The following PRSS36 variants were observed in gnomAD, a reference collection of about 807,000 sequenced individuals.
The protein encoded by PRSS36 is serine protease 36, also known as polyserase-2.
A neutral mutation model predicts 94.3 loss-of-function variants in PRSS36; 90 were observed. The observed-to-expected ratio is 0.95, with a 90% CI of 0.80 to 1.14. The LOEUF (loss-of-function observed/expected upper bound fraction) is 1.14. Ranked by LOEUF, PRSS36 falls within the 50% of genes most tolerant of loss-of-function variation. PRSS36 has a pLI of 0.00. For missense variants in PRSS36, 1,158 were observed against 1,135.0 expected (o/e 1.02, Z -0.29); for synonymous variants, 500 against 489.6 (o/e 1.02, Z -0.28).
rs1381745333 is a variant in PRSS36, at chr16:31,142,564, C to T, written c.1438G>A (p.Gly480Arg). ...TCTCCGGGCAGCGGTACTGCCGCCCCCTGGCGGCCGTACAGGCAGTGGCAC... is the reference window on the plus strand; with the variant it reads ...TCTCCGGGCAGCGGTACTGCCGCCCTCTGGCGGCCGTACAGGCAGTGGCAC... ...WWCHCLYGRQ[G>R]AAVPLPGDPP... The change falls in exon 10 of 15, where the codon GGG becomes AGG. Residue 480 changes from glycine to arginine, a missense_variant. Physicochemically the swap from Gly to Arg is moderately radical, Grantham distance 125. Coordinates refer to ENST00000268281, the MANE Select transcript of PRSS36 (RefSeq NM_173502.5). 1 of 1,526,380 alleles carries T rather than the reference C, an allele frequency of 6.6e-7. No homozygotes were observed. Among genetic ancestry groups the T allele is most frequent in the Non-Finnish European group, 8.8e-7 (1 of 1,140,972 alleles). 94.6% of individuals were successfully genotyped at this position (1,526,380 alleles called of 1,614,324 possible). A position where few individuals can be genotyped will look rare whatever the true frequency, so the allele number is the denominator to read the frequency against.
rs1273635562 is a variant in PRSS36 at position 31,140,640 on chromosome 16, G to A, written c.2019C>T (p.His673=). 5 of 1,613,452 alleles carry A rather than the reference G, an allele frequency of 3.1e-6. No homozygotes were observed. Among genetic ancestry groups the A allele is most frequent in the Non-Finnish European group, 4.2e-6 (5 of 1,179,796 alleles). The change falls in exon 13 of 15, where the codon CAC becomes CAT. Residue 673 remains histidine (H), a synonymous_variant. Transcript: ENST00000268281. ...GGGCCAGGGGGGGCCTGAGTCCCAG[G>A]TGCTGGGGCAGCCGGATGCTGATGA... ...RLVISIRLPQ[H]LGLRPPLALL...
At chr16:31,139,879 C>CAAAA (rs71151448) in intron 14 of PRSS36, among the ~76,000 whole-genome samples, 10 of 42,502 alleles carry the variant, frequency 2.4e-4, no homozygotes, top group Non-Finnish European at 3.5e-4. Flanking sequence ...GACTCAGTCT[C>CAAAA]AAAAAAAAAA....
At chr16:31,145,372 CAAA>C (rs376926791) in intron 6 of PRSS36, among the ~76,000 whole-genome samples, 1 of 44,652 alleles carries the variant, frequency 2.2e-5, no homozygotes, top group Non-Finnish European at 4.3e-5. Flanking sequence ...GACTCCGTCT[CAAA>C]AAAAAAAAAA....
Position 31,140,337 on chromosome 16 carries a change from G to A in PRSS36, c.2246C>T (p.Thr749Ile), listed in dbSNP as rs1443760482. 7.4e-6 allele frequency: 12 copies of A among 1,613,918 alleles called. No homozygotes were observed. The African/African-American group carries it at 1.2e-4, about 16-fold the overall frequency. The part of the protein sequence containing the change: ...CLYQGILPPG[T>I]LCVLYAEGQE... ...CCCCTCTGCATACAGGACACAGAGG[G>A]TTCCAGGGGGCAGGATGCCCTGATA... The change falls in exon 14 of 15, where the codon ACC becomes ATC. Residue 749 changes from threonine to isoleucine, a missense_variant. By Grantham distance (89) the Thr-to-Ile change is moderately conservative (BLOSUM62 -1). Coordinates refer to ENST00000268281, the MANE Select transcript of PRSS36 (RefSeq NM_173502.5).
Position 31,140,659 on chromosome 16 carries a change from C to T in PRSS36, c.2000G>A (p.Ser667Asn), listed in dbSNP as rs775039290. 4 of 1,613,904 alleles carry T rather than the reference C, an allele frequency of 2.5e-6. No individual in the cohort carries two copies. In the East Asian group the frequency reaches 8.9e-5, roughly 36 times the overall value. Residue 667 changes from serine (S) to asparagine (N), a missense_variant, in exon 13 of 15, where the codon AGC (serine) becomes AAC (asparagine). Transcript: ENST00000268281. ...TCCCAGGTGCTGGGGCAGCCGGATGCTGATGACCAAGCGGGATACCTGGTG... is the reference window on the plus strand; with the variant it reads ...TCCCAGGTGCTGGGGCAGCCGGATGTTGATGACCAAGCGGGATACCTGGTG... The part of the protein sequence containing the change: ...QGHQVSRLVI[S>N]IRLPQHLGLR...
chr16:31,149,604 C>T (rs1457397447), intron 2 of PRSS36, 92 bp downstream of exon 2: 2 of 1,607,910 alleles, frequency 1.2e-6, no homozygotes, highest in African/African-American at 1.3e-5. Context: ...TCCCACTTCC[C>T]TGTCCGTTCA....
chr16:31,139,155 G>A lies in PRSS36; in HGVS notation c.2551C>T (p.Leu851Phe). 11 of 1,572,642 alleles carry A rather than the reference G, an allele frequency of 7.0e-6. No homozygotes were observed. The highest frequency in any genetic ancestry group is 9.5e-6 in the Non-Finnish European group (11 of 1,156,536). Residue 851 changes from leucine to phenylalanine, a missense_variant, in exon 15 of 15, where the codon CTC becomes TTC. By Grantham distance (22) the Leu-to-Phe change is conservative (BLOSUM62 0). Transcript: ENST00000268281. ...CTAGCCCCTCAGCTCTGGATCAGGA[G>A]AGTCAGCAGGAGCAGGAAGTAGACT... Reference protein sequence around the residue: ...HAVYFLLLLTLLIQS With the variant: ...HAVYFLLLLTFLIQS
intron 14 of PRSS36, among the ~76,000 whole-genome samples, chr16:31,139,916 C>T (rs1305796909): frequency 3.5e-5 from 5 of 143,942 alleles, no homozygotes; most frequent in South Asian, 4.5e-4. Context: ...ATTCCTTGGC[C>T]GGGCGCAGTG....
intron 14 of PRSS36, 120 bp from the exon 15 acceptor site, chr16:31,139,536 G>T: frequency 8.1e-7 from 1 of 1,238,758 alleles, no homozygotes; most frequent in Non-Finnish European, 1.1e-6. Context: ...CAGGTCCCTG[G>T]TTTCTCTCCC....
chr16:31,139,346 T>A lies in PRSS36; in HGVS notation c.2360A>T (p.Gln787Leu). Residue 787 changes from glutamine (Q) to leucine (L), a missense_variant, in exon 15 of 15, where the codon CAA becomes CTA. Coordinates refer to ENST00000268281, the MANE Select transcript of PRSS36 (RefSeq NM_173502.5). ...GGCAGCAAACAGCTCCCGGCTCCCT[T>A]GAACAGCCATGCCCACGAGGATCCA... ...GSWILVGMAV[Q>L]GSRELFAAIG... 6.2e-7 allele frequency: 1 copy of A among 1,614,086 alleles called. No individual in the cohort carries two copies. Among genetic ancestry groups the A allele is most frequent in the African/African-American group, 1.3e-5 (1 of 75,004 alleles).
Position 31,140,557 on chromosome 16 carries a change from TGGAGACAG to T in PRSS36, c.2094_2101del (p.Cys699ProfsTer37). 8 of 1,590,158 alleles carry T rather than the reference TGGAGACAG, an allele frequency of 5.0e-6. No homozygotes were observed. The highest frequency in any genetic ancestry group is 6.8e-6 in the Non-Finnish European group (8 of 1,168,086). Reference sequence around the variant, plus strand: ...GGCCCCCGGGGGGATACCCGCCGGGTGGAGACAGATGGGCAGGGCTGATGGGGAGGGCT... The same window carrying T: ...GGCCCCCGGGGGGATACCCGCCGGGTATGGGCAGGGCTGATGGGGAGGGCT... On this transcript the variant is annotated frameshift_variant, in exon 13 of 15. Coordinates refer to ENST00000268281, the MANE Select transcript of PRSS36 (RefSeq NM_173502.5). LOFTEE classifies it high-confidence loss of function.
At chr16:31,146,202 A>G (rs978538472) in intron 5 of PRSS36, among the ~76,000 whole-genome samples, 9 of 152,250 alleles carry the variant, frequency 5.9e-5, no homozygotes, top group Admixed American at 2.6e-4. Flanking sequence ...GTGCACTGCA[A>G]CAAAGGATGC....
intron 6 of PRSS36, among the ~76,000 whole-genome samples, chr16:31,145,069 A>G (rs1000923687): frequency 1.4e-5 from 2 of 148,030 alleles, no homozygotes; most frequent in Non-Finnish European, 3.0e-5. Flanking sequence ...CCTGGGCAAT[A>G]AGAGTGAAAC....
Position 31,139,061 on chromosome 16 carries a change from G to T in PRSS36, c.*77C>A. 6.8e-7 allele frequency: 1 copy of T among 1,474,270 alleles called. No individual in the cohort carries two copies. The highest frequency in any genetic ancestry group is 1.9e-4 in the Middle Eastern group (1 of 5,164). The allele number at this position is 1,474,270 out of a possible 1,614,324, so 91.3% of individuals were successfully genotyped here. ...GGTGGGGCCCTTGAGGTTCCAGCCG[G>T]CTGGGCCACATTCCAGCCCCACTGG... On this transcript the variant is annotated 3_prime_UTR_variant, in exon 15 of 15. Transcript: ENST00000268281.
Position 31,143,420 on chromosome 16 carries a change from A to G in PRSS36, c.1022T>C (p.Met341Thr). Residue 341 changes from methionine to threonine, a missense_variant, in exon 8 of 15, where the codon ATG becomes ACG. Met to Thr is a moderately conservative substitution (Grantham distance 81). Transcript: ENST00000268281. ...ATGGCAGGGTCTGGATCCTGGCACC[A>G]TCACCTGGGCCTCCCAGGGCCAGGC... ...PGAWPWEAQV[M>T]VPGSRPCHGA... 1 of 1,612,830 alleles carries G rather than the reference A, an allele frequency of 6.2e-7. No individual in the cohort carries two copies. Among genetic ancestry groups the G allele is most frequent in the South Asian group, 1.1e-5 (1 of 91,000 alleles).
Position 31,145,893 on chromosome 16 carries a change from A to G in PRSS36, c.616T>C (p.Cys206Arg). 6.2e-7 allele frequency: 1 copy of G among 1,614,040 alleles called. No individual in the cohort carries two copies. The highest frequency in any genetic ancestry group is 1.1e-5 in the South Asian group (1 of 91,080). The change falls in exon 6 of 15, where the codon TGT (cysteine) becomes CGT (arginine). Residue 206 changes from cysteine to arginine, a missense_variant. By Grantham distance (180) the Cys-to-Arg change is radical. Coordinates refer to ENST00000268281, the MANE Select transcript of PRSS36 (RefSeq NM_173502.5). ...CCGGGCTGGCTGTAGAGACATTGAC[A>G]GGTGGCCTCGCCCAGCAGCCTTAGC... is the stretch of plus-strand genomic sequence containing the variant. ...VELRLLGEATCQCLYSQPGPF... is the reference protein window; with the variant it reads ...VELRLLGEATRQCLYSQPGPF...
chr16:31,142,966 G>T lies in PRSS36; in HGVS notation c.1128C>A (p.Arg376=), dbSNP rs2057736519. ...LDPNSSDSPP[R]DLDAWRVLLP... is the part of the protein sequence containing the mutation. ...GCAGCACGCGCCAGGCGTCGAGGTCGCGGGGTGGGCTGTCGGAGCTGTTCG... is the reference window on the plus strand; with the variant it reads ...GCAGCACGCGCCAGGCGTCGAGGTCTCGGGGTGGGCTGTCGGAGCTGTTCG... Residue 376 remains arginine (R), a synonymous_variant, in exon 9 of 15, where the codon CGC becomes CGA. Coordinates refer to ENST00000268281, the MANE Select transcript of PRSS36 (RefSeq NM_173502.5). 2 of 1,422,960 alleles carry T rather than the reference G, an allele frequency of 1.4e-6. No homozygotes were observed. 88.1% of individuals were successfully genotyped at this position (1,422,960 alleles called of 1,614,324 possible).
In PRSS36 at chr16:31,148,431, A is replaced by T; in HGVS notation, c.517T>A (p.Cys173Ser). 6.4e-7 allele frequency: 1 copy of T among 1,573,378 alleles called. No individual in the cohort carries two copies. Among genetic ancestry groups the T allele is most frequent in the Non-Finnish European group, 8.6e-7 (1 of 1,167,818 alleles). The change falls in exon 5 of 15, where the codon TGC (cysteine) becomes AGC (serine). Residue 173 changes from cysteine to serine, a missense_variant. By Grantham distance (112) the Cys-to-Ser change is moderately radical (BLOSUM62 -1). Transcript: ENST00000268281. ...ASHRFVHGTA[C>S]WATGWGDVQE... Reference sequence around the variant, plus strand: ...ACGTCTCCCCAGCCGGTGGCCCAGCAGGCGGTGCCGTGCACGAAGCGGTGT... The same window carrying T: ...ACGTCTCCCCAGCCGGTGGCCCAGCTGGCGGTGCCGTGCACGAAGCGGTGT...
intron 10 of PRSS36, among the ~76,000 whole-genome samples, chr16:31,142,248 G>A (rs549753126): frequency 2.0e-5 from 3 of 148,914 alleles, no homozygotes; most frequent in Admixed American, 2.0e-4. Flanking sequence ...TTCTGGCCCC[G>A]CTTCCACCCC....
Sources: allele counts gnomAD v4.1 joint callset (sites outside exome capture counted in the v4.1 genomes callset), GRCh38; gene constraint gnomAD v4.1.1; transcripts MANE v1.5; gene names NCBI Gene and HGNC (gene_info 2026-07-23, HGNC 2026-07-21).